Variants in TNKS observed in about 807,000 individuals in gnomAD.
TNKS encodes poly [ADP-ribose] polymerase tankyrase-1.
TNKS carries 72 observed loss-of-function variants against 135.8 expected under a neutral mutation model. The ratio of observed to expected loss-of-function variants is 0.53; its 90% confidence interval spans 0.44 to 0.64. The LOEUF is 0.64. TNKS is among the 30% of genes least tolerant of loss of function. The pLI is 0.00. For synonymous variants in TNKS, 849 were observed against 649.3 expected (o/e 1.31, Z -4.68); for missense variants, 1,769 against 1,674.0 (o/e 1.06, Z -0.99).
chr8:9,640,111 T>C (rs950218865), intron 3 of TNKS, among the ~76,000 whole-genome samples: 2 of 152,210 alleles, frequency 1.3e-5, no homozygotes, highest in African/African-American at 4.8e-5. Flanking sequence ...TATACCAAAG[T>C]TAGGGTTTCC....
chr8:9,559,929 A>C (rs78621669), intron 1 of TNKS, among the ~76,000 whole-genome samples: 1 of 152,156 alleles, frequency 6.6e-6, no homozygotes, highest in Non-Finnish European at 1.5e-5. Context: ...TCTTGTTTCC[A>C]TTGTTGATAC....
At chr8:9,757,143 A>G (rs1297100009) in intron 20 of TNKS, among the ~76,000 whole-genome samples, 1 of 151,844 alleles carries the variant, frequency 6.6e-6, no homozygotes, top group Non-Finnish European at 1.5e-5. Context: ...TACCCGGCTA[A>G]TTTTTGTATT....
chr8:9,607,514 A>T (rs1283612949), intron 2 of TNKS, among the ~76,000 whole-genome samples: 1 of 152,222 alleles, frequency 6.6e-6, no homozygotes, highest in Non-Finnish European at 1.5e-5. Context: ...GTCATGTCAG[A>T]AAACCTTTTG....
chr8:9,621,728 A>G (rs558542542), intron 3 of TNKS, among the ~76,000 whole-genome samples: 14 of 152,316 alleles, frequency 9.2e-5, no homozygotes, highest in Non-Finnish European at 1.6e-4. Flanking sequence ...CATGCTGTTA[A>G]TCTGAACTTA....
At chr8:9,709,220 C>G (rs924671469) in intron 9 of TNKS, among the ~76,000 whole-genome samples, 2 of 151,964 alleles carry the variant, frequency 1.3e-5, no homozygotes, top group Non-Finnish European at 2.9e-5. Flanking sequence ...AAGGATTGAC[C>G]AAACTGAAAT....
chr8:9,619,116 A>G (rs1168250720), intron 3 of TNKS, among the ~76,000 whole-genome samples: 1 of 152,198 alleles, frequency 6.6e-6, no homozygotes, highest in East Asian at 1.9e-4. Context: ...AGTGTGCTTC[A>G]TCACATTCAG....
intron 5 of TNKS, among the ~76,000 whole-genome samples, chr8:9,687,682 C>G (rs1230562734): frequency 6.6e-6 from 1 of 152,134 alleles, no homozygotes; most frequent in Non-Finnish European, 1.5e-5. Flanking sequence ...GTCCATTTAC[C>G]TCTATTTAGC....
intron 13 of TNKS, among the ~76,000 whole-genome samples, chr8:9,728,376 C>T (rs1463321310): frequency 1.3e-5 from 2 of 151,992 alleles, no homozygotes; most frequent in Non-Finnish European, 2.9e-5. Context: ...CTTTGCCATT[C>T]GAAAGAAAAC....
At chr8:9,624,780 C>T (rs1217373405) in intron 3 of TNKS, among the ~76,000 whole-genome samples, 1 of 151,882 alleles carries the variant, frequency 6.6e-6, no homozygotes, top group East Asian at 1.9e-4. Flanking sequence ...TCCAGGATCC[C>T]CTGAAGATGC....
chr8:9,607,978 C>T (rs1187662215), intron 2 of TNKS, among the ~76,000 whole-genome samples: 1 of 150,368 alleles, frequency 6.7e-6, no homozygotes, highest in Non-Finnish European at 1.5e-5. Context: ...TTCACATTGT[C>T]ATTCAAGTTG....
chr8:9,590,968 C>T (rs1239481833), intron 2 of TNKS, among the ~76,000 whole-genome samples: 1 of 152,270 alleles, frequency 6.6e-6, no homozygotes, highest in Non-Finnish European at 1.5e-5. Flanking sequence ...GGTATCTTAT[C>T]TGAGAATCCA....
intron 1 of TNKS, chr8:9,575,440 A>T (rs550972718): frequency 1.0e-6 from 1 of 984,794 alleles, no homozygotes; most frequent in South Asian, 4.7e-5. Context: ...GACTTATTCT[A>T]AAGTTATACT....
intron 3 of TNKS, among the ~76,000 whole-genome samples, chr8:9,663,463 A>G (rs1004095990): frequency 1.3e-5 from 2 of 152,152 alleles, no homozygotes; most frequent in African/African-American, 4.8e-5. Flanking sequence ...AAAATTTGCA[A>G]GTTTTTCCTA....
intron 3 of TNKS, among the ~76,000 whole-genome samples, chr8:9,640,799 A>G (rs1486416230): frequency 6.8e-6 from 1 of 146,072 alleles, no homozygotes; most frequent in African/African-American, 2.5e-5. Flanking sequence ...TGATTAAGTG[A>G]TATGAAACAA....
chr8:9,587,190 C>T (rs768039331), intron 2 of TNKS, among the ~76,000 whole-genome samples: 7 of 151,708 alleles, frequency 4.6e-5, no homozygotes, highest in Non-Finnish European at 8.8e-5. Flanking sequence ...AAGTAATCAC[C>T]AGATTCCTTA....
chr8:9,570,644 C>T (rs1328540036), intron 1 of TNKS, among the ~76,000 whole-genome samples: 1 of 152,240 alleles, frequency 6.6e-6, no homozygotes, highest in Non-Finnish European at 1.5e-5. Context: ...GCCCATGTTC[C>T]ATTCTACATG....
chr8:9,672,693 C>A (rs1330495737), intron 3 of TNKS, among the ~76,000 whole-genome samples: 2 of 117,188 alleles, frequency 1.7e-5, no homozygotes, highest in African/African-American at 3.1e-5. Flanking sequence ...CACACACACA[C>A]ACACACACAC....
intron 5 of TNKS, among the ~76,000 whole-genome samples, chr8:9,692,193 C>T (rs201000149): frequency 5.9e-5 from 9 of 152,156 alleles, no homozygotes; most frequent in Non-Finnish European, 1.3e-4. Flanking sequence ...GGTAGCCATC[C>T]GGCCAACTCC....
At chr8:9,701,125 C>T (rs1803782212) in intron 5 of TNKS, among the ~76,000 whole-genome samples, 1 of 151,822 alleles carries the variant, frequency 6.6e-6, no homozygotes, top group African/African-American at 2.4e-5. Context: ...AGTAGAGACA[C>T]ACAGGGTTTC....
Sources: gnomAD v4.1 joint callset for allele counts (sites outside exome capture counted in the v4.1 genomes callset) on GRCh38, gnomAD v4.1.1 for gene constraint, MANE v1.5 for transcripts, NCBI Gene and HGNC (gene_info 2026-07-23, HGNC 2026-07-21) for gene names.